The following NT5M variants were observed in gnomAD, a reference collection of about 807,000 sequenced individuals.
NT5M encodes 5',3'-nucleotidase, mitochondrial.
In NT5M, 22 loss-of-function variants were observed where a neutral mutation model predicts 22.2. The ratio of observed to expected loss-of-function variants is 0.99; its 90% CI spans 0.71 to 1.41. The LOEUF is 1.41. Ranked by LOEUF, NT5M falls within the 40% of genes most tolerant of loss-of-function variation. The pLI, the probability that NT5M is intolerant of heterozygous loss-of-function variation, is 0.00. For synonymous variants in NT5M, 167 were observed against 133.0 expected (o/e 1.26, Z -1.76); for missense variants, 322 against 314.8 (o/e 1.02, Z -0.17).
chr17:17,309,174 G>T, intron 2 of NT5M, among the ~76,000 whole-genome samples: 1 of 148,108 alleles, frequency 6.8e-6, no homozygotes, highest in Non-Finnish European at 1.5e-5. Flanking sequence ...CAAAAAGGCT[G>T]GAGTGCAGTG....
intron 2 of NT5M, among the ~76,000 whole-genome samples, chr17:17,320,178 G>A (rs1394751868): frequency 6.6e-6 from 1 of 152,156 alleles, no homozygotes; most frequent in Non-Finnish European, 1.5e-5. Context: ...TTATTGAATT[G>A]TACCCTTTTA....
chr17:17,344,593 T>C (rs1427127708), intron 3 of NT5M, among the ~76,000 whole-genome samples: 2 of 152,162 alleles, frequency 1.3e-5, no homozygotes, highest in South Asian at 2.1e-4. Flanking sequence ...GGACCAGCCA[T>C]GTGCGCTCCC....
At chr17:17,345,054 C>A in intron 4 of NT5M, 146 bp downstream of exon 4, 1 of 1,268,778 alleles carries the variant, frequency 7.9e-7, no homozygotes, top group Non-Finnish European at 1.1e-6. Flanking sequence ...TTCGGGAAGA[C>A]AAGGCCCCCT....
Position 17,303,418 on chromosome 17 carries a change from C to CCGCTCCCCGTCCCG in NT5M, c.-126_-113dup. The CCGCTCCCCGTCCCG allele has an allele frequency of 2.0e-6, 2 of 979,356 alleles. No homozygotes were observed. The highest frequency in any genetic ancestry group is 2.4e-6 in the Non-Finnish European group (2 of 822,168). 60.7% of individuals were successfully genotyped at this position (979,356 alleles called of 1,614,324 possible). ...GCGCCCGCACCCCGCGCTCCCCGCC[C>CCGCTCCCCGTCCCG]CGCTCCCCGTCCCGCGCTCCACGCG... On this transcript the variant is annotated 5_prime_UTR_variant, in exon 1 of 5. Coordinates refer to ENST00000389022, the MANE Select transcript of NT5M (RefSeq NM_020201.4).
chr17:17,315,138 A>AT (rs35945070), intron 2 of NT5M, among the ~76,000 whole-genome samples: 29 of 151,798 alleles, frequency 1.9e-4, no homozygotes, highest in East Asian at 7.7e-4. Flanking sequence ...TTAAAAAAAA[A>AT]TTTTTTTTTA....
intron 2 of NT5M, among the ~76,000 whole-genome samples, chr17:17,322,181 G>A (rs1204798935): frequency 2.0e-5 from 3 of 152,172 alleles, no homozygotes; most frequent in Non-Finnish European, 1.5e-5. Flanking sequence ...ACAGTAACTG[G>A]CAATGGTAGG....
chr17:17,304,648 C>G (rs1401167910), intron 1 of NT5M, among the ~76,000 whole-genome samples: 4 of 152,184 alleles, frequency 2.6e-5, no homozygotes, highest in Non-Finnish European at 5.9e-5. Context: ...GCCACAAGTT[C>G]ACTGCATCCT....
At chr17:17,341,506 ACT>A (rs2049640084) in intron 3 of NT5M, among the ~76,000 whole-genome samples, 1 of 151,966 alleles carries the variant, frequency 6.6e-6, no homozygotes, top group South Asian at 2.1e-4. Flanking sequence ...CAGTACTGAG[ACT>A]CTGATGCATA....
Position 17,303,691 on chromosome 17 carries a change from T to A in NT5M, c.141T>A (p.Ala47=), listed in dbSNP as rs1325924247. ...TGGTGGACATGGACGGCGTGCTGGC[T>A]GACTTCGAGGGCGGATTCCTCAGGA... ...RVLVDMDGVL[A]DFEGGFLRKF... is the part of the protein sequence containing the mutation. Residue 47 remains alanine, a synonymous_variant, in exon 1 of 5, where the codon GCT becomes GCA. Transcript: ENST00000389022. 2 of 1,587,978 alleles carry A rather than the reference T, an allele frequency of 1.3e-6. No individual in the cohort carries two copies. The highest frequency in any genetic ancestry group is 1.1e-5 in the South Asian group (1 of 87,936).
In NT5M at chr17:17,346,664, G is replaced by A. The variant is rs371874253; in HGVS notation, c.545-141G>A. 2.3e-4 allele frequency: 214 copies of A among 911,598 alleles called. 3 individuals carry two copies. The South Asian group carries it at 3.3e-3, about 14-fold the overall frequency. The allele number at this position is 911,598 out of a possible 1,614,324, so 56.5% of individuals were successfully genotyped here. On this transcript the variant is annotated intron_variant, in intron 4 of 4. Transcript: ENST00000389022. Reference sequence around the variant, plus strand: ...CCATCCTCACACCCGCTGCGAAGGCGGGTGTGCGTGCAGTCACCCCTTTAC... The same window carrying A: ...CCATCCTCACACCCGCTGCGAAGGCAGGTGTGCGTGCAGTCACCCCTTTAC...
chr17:17,333,117 T>G (rs1183526146), intron 3 of NT5M, among the ~76,000 whole-genome samples: 1 of 152,176 alleles, frequency 6.6e-6, no homozygotes, highest in Non-Finnish European at 1.5e-5. Context: ...ACATTGGACA[T>G]GTTTTTAAGC....
chr17:17,341,836 C>G (rs2049648420), intron 3 of NT5M, among the ~76,000 whole-genome samples: 1 of 152,156 alleles, frequency 6.6e-6, no homozygotes, highest in African/African-American at 2.4e-5. Flanking sequence ...TGAGACCAGC[C>G]TGGCCAACGT....
rs544091258 is a variant in NT5M at position 17,346,221 on chromosome 17, C to A, written c.545-584C>A. ...TGTGGGGTCCCGTGACCTTGAGGGC[C>A]CAAAGGCTGGCTTGGCCTCCATCTC... On this transcript the variant is annotated intron_variant, in intron 4 of 4. Coordinates refer to ENST00000389022, the MANE Select transcript of NT5M (RefSeq NM_020201.4). 1.3e-4 allele frequency among the ~76,000 whole-genome samples: 19 copies of A among 150,876 alleles called. No individual in the cohort carries two copies. The South Asian group carries it at 3.9e-3, about 31-fold the overall frequency.
chr17:17,306,697 C>T, intron 2 of NT5M, 54 bp downstream of exon 2: 1 of 1,183,296 alleles, frequency 8.5e-7, no homozygotes, highest in African/African-American at 1.5e-5. Flanking sequence ...CCACTGAGCC[C>T]TGTACCTCCT....
chr17:17,312,737 T>G (rs1225830350), intron 2 of NT5M, among the ~76,000 whole-genome samples: 1 of 150,810 alleles, frequency 6.6e-6, no homozygotes, highest in African/African-American at 2.4e-5. Flanking sequence ...GGCAGGAGAA[T>G]CACCTGAGCT....
chr17:17,338,918 G>A (rs1240747849), intron 3 of NT5M, among the ~76,000 whole-genome samples: 2 of 151,732 alleles, frequency 1.3e-5, no homozygotes, highest in African/African-American at 4.8e-5. Context: ...TAGTAGAGAC[G>A]GGGTTTCACT....
intron 1 of NT5M, among the ~76,000 whole-genome samples, chr17:17,304,823 C>T (rs2048760030): frequency 6.6e-6 from 1 of 152,176 alleles, no homozygotes; most frequent in Non-Finnish European, 1.5e-5. Flanking sequence ...GTACTACTGT[C>T]TCTAACAAGT....
chr17:17,328,683 G>T (rs2049312571), intron 3 of NT5M, among the ~76,000 whole-genome samples: 1 of 152,186 alleles, frequency 6.6e-6, no homozygotes, highest in Admixed American at 6.5e-5. Flanking sequence ...AGCCTTTGTT[G>T]CTAGAAGTGG....
chr17:17,345,654 C>CAAAAAAAA (rs200957034), intron 4 of NT5M, among the ~76,000 whole-genome samples: 1 of 145,676 alleles, frequency 6.9e-6, no homozygotes. Context: ...AAAAAAAACA[C>CAAAAAAAA]AAAAAAATTA....
Sources: allele counts gnomAD v4.1 joint callset (sites outside exome capture counted in the v4.1 genomes callset), GRCh38; gene constraint gnomAD v4.1.1; transcripts MANE v1.5; gene names NCBI Gene and HGNC (gene_info 2026-07-23, HGNC 2026-07-21).